The following RYR1 variants were observed in gnomAD, a reference collection of about 807,000 sequenced individuals.
The protein encoded by RYR1 is ryanodine receptor 1.
A neutral mutation model predicts 583.5 loss-of-function variants in RYR1; 342 were observed. The ratio of observed to expected loss-of-function variants is 0.59; its 90% CI spans 0.54 to 0.64. The LOEUF (loss-of-function observed/expected upper bound fraction) is 0.64. Ranked by LOEUF, RYR1 falls within the 30% of genes least tolerant of loss-of-function variation. RYR1 has a pLI of 0.00. For missense variants in RYR1, 6,032 were observed against 6,917.2 expected, an observed-to-expected ratio of 0.87 and a Z score of 4.54; for synonymous variants, 2,791 against 2,822.5, an observed-to-expected ratio of 0.99 and a Z score of 0.35.
In RYR1 at chr19:38,483,848, G is replaced by A. The variant is rs528671546; in HGVS notation, c.4934+332G>A. ...CAGACCCACATCAACACCCCAGGGG[G>A]CCCCAAGTACACCCCAGGATCCCTG... On this transcript the variant is annotated intron_variant, in intron 33 of 105. Coordinates refer to ENST00000359596, the MANE Select transcript of RYR1 (RefSeq NM_000540.3). This position sits in a 1 kb window ranked among gnomAD's most constrained non-coding sequence, Gnocchi z 6.3. 2.0e-5 allele frequency among the ~76,000 whole-genome samples: 3 copies of A among 151,720 alleles called. No homozygotes were observed. Among genetic ancestry groups the A allele is most frequent in the African/African-American group, 7.3e-5 (3 of 41,278 alleles).
At chr19:38,555,033 C>T (rs954308783) in intron 89 of RYR1, among the ~76,000 whole-genome samples, 5 of 152,100 alleles carry the variant, frequency 3.3e-5, no homozygotes, top group South Asian at 2.1e-4. Context: ...CCTTTGAAAA[C>T]GAACCCCATA....
intron 78 of RYR1, 42 bp from the exon 79 acceptor site, chr19:38,534,678 G>C: frequency 6.4e-7 from 1 of 1,567,336 alleles, no homozygotes; most frequent in Non-Finnish European, 8.7e-7. Flanking sequence ...GGCTGGGCTG[G>C]AAAGCCTGGA....
intron 67 of RYR1, among the ~76,000 whole-genome samples, chr19:38,521,318 C>T (rs1464971275): frequency 6.7e-6 from 1 of 148,994 alleles, no homozygotes; most frequent in Non-Finnish European, 1.5e-5. Context: ...TTTTTTAATA[C>T]AAGTAAATGA....
At chr19:38,582,340 T>C (rs1568607804) in intron 101 of RYR1, among the ~76,000 whole-genome samples, 1 of 151,294 alleles carries the variant, frequency 6.6e-6, no homozygotes, top group Non-Finnish European at 1.5e-5. Flanking sequence ...GAGGTTGCCA[T>C]GAGCCGAGAT....
intron 1 of RYR1, among the ~76,000 whole-genome samples, chr19:38,437,426 C>G (rs1467323554): frequency 1.3e-5 from 2 of 152,136 alleles, no homozygotes; most frequent in Non-Finnish European, 2.9e-5. Flanking sequence ...GCTTTGCACT[C>G]TGGCTTTGCC....
chr19:38,578,308 T>G, intron 99 of RYR1, 104 bp downstream of exon 99: 1 of 1,136,112 alleles, frequency 8.8e-7, no homozygotes, highest in Non-Finnish European at 1.3e-6. Flanking sequence ...CCTGGGACCC[T>G]GAGTGGCTGT....
chr19:38,569,340 T>C (rs890632758), intron 93 of RYR1, among the ~76,000 whole-genome samples: 12 of 152,040 alleles, frequency 7.9e-5, no homozygotes, highest in African/African-American at 2.9e-4. Context: ...TTTTAATTAC[T>C]GCTCCTTGCA....
At chr19:38,579,849 C>T (rs1856419589) in intron 99 of RYR1, 133 bp from the exon 100 acceptor site, 2 of 1,125,472 alleles carry the variant, frequency 1.8e-6, no homozygotes, top group East Asian at 2.4e-5. Context: ...TGCCCTGATC[C>T]TCCATGTACT....
In RYR1 at chr19:38,451,793, C is replaced by T. The variant is rs149770144; in HGVS notation, c.1152C>T (p.Asp384=). 9.2e-5 allele frequency: 148 copies of T among 1,614,104 alleles called. No homozygotes were observed. The African/African-American group carries it at 1.5e-3, about 17-fold the overall frequency. The change falls in exon 12 of 106, where the codon GAC becomes GAT. Residue 384 remains aspartate, a synonymous_variant. Coordinates refer to ENST00000359596, the MANE Select transcript of RYR1 (RefSeq NM_000540.3). ...KAMLHQEGHM[D]DALSLTRCQQ... The stretch of plus-strand genomic sequence containing the variant: ...TGCTGCACCAGGAGGGCCACATGGA[C>T]GACGCACTGTCGCTGACCCGCTGCC...
chr19:38,448,585 CA>C (rs1369300739), intron 10 of RYR1, 63 bp from the exon 11 acceptor site: 3 of 1,614,116 alleles, frequency 1.9e-6, no homozygotes, highest in Non-Finnish European at 1.7e-6. Context: ...TGCAGTCCCT[CA>C]GGGGGGCTCC....
At chr19:38,578,726 G>A (rs552591953) in intron 99 of RYR1, among the ~76,000 whole-genome samples, 1 of 152,302 alleles carries the variant, frequency 6.6e-6, no homozygotes, top group Admixed American at 6.5e-5. Flanking sequence ...AGGAGGTGGA[G>A]GCTGCAGTGA....
Position 38,500,883 on chromosome 19 carries a change from G to A in RYR1, c.7507G>A (p.Val2503Met). 3 of 1,614,152 alleles carry A rather than the reference G, an allele frequency of 1.9e-6. No homozygotes were observed. Among genetic ancestry groups the A allele is most frequent in the Non-Finnish European group, 2.5e-6 (3 of 1,180,026 alleles). ...CGTGCCGGACCACAAGGCGTCCATG[G>A]TGCTCTTCCTGGACCGTGTGTATGG... ...SFVPDHKASM[V>M]LFLDRVYGIE... Residue 2503 changes from valine (V) to methionine (M), a missense_variant, in exon 47 of 106, where the codon GTG becomes ATG. Val to Met is a conservative substitution (Grantham distance 21, BLOSUM62 1). Transcript: ENST00000359596. The surrounding 1 kb of genome is among the most constrained non-coding windows in gnomAD (Gnocchi z 5.9).
At chr19:38,545,080 A>G (rs1204841512) in intron 87 of RYR1, among the ~76,000 whole-genome samples, 1 of 152,116 alleles carries the variant, frequency 6.6e-6, no homozygotes, top group African/African-American at 2.4e-5. Context: ...CCAAGAAAAA[A>G]AAAAACCTGA....
intron 19 of RYR1, 118 bp downstream of exon 19, chr19:38,459,456 C>T (rs1270218196): frequency 2.1e-6 from 2 of 953,092 alleles, no homozygotes; most frequent in Admixed American, 2.1e-5. Flanking sequence ...ACCATCAAGA[C>T]TGACTGGTGT....
rs184099910 is a variant in RYR1, at chr19:38,450,939, C to T, written c.1123-825C>T. 3.6e-3 allele frequency among the ~76,000 whole-genome samples: 545 copies of T among 152,258 alleles called. 3 individuals carry two copies. Among genetic ancestry groups the T allele is most frequent in the African/African-American group, 0.012 (515 of 41,536 alleles). On this transcript the variant is annotated intron_variant, in intron 11 of 105. Transcript: ENST00000359596. ...AGAAATTATTTTGGGGGCTGCTTTC[C>T]GTTAGAAAGGAAACTCTGCCGAGGA...
At chr19:38,567,013 C>T (rs200710291) in intron 92 of RYR1, 26 bp downstream of exon 92, 1 of 1,564,970 alleles carries the variant, frequency 6.4e-7, no homozygotes, top group Non-Finnish European at 8.7e-7. Context: ...GCTGAGGGGC[C>T]TAGCCCCTAT....
rs1413000730 is a variant in RYR1 at position 38,483,014 on chromosome 19, TCTC to T, written c.4621-9_4621-7del. The T allele has an allele frequency of 1.1e-5, 18 of 1,612,962 alleles. No individual in the cohort carries two copies. Among genetic ancestry groups the T allele is most frequent in the Non-Finnish European group, 1.4e-5 (17 of 1,179,142 alleles). On this transcript the variant is annotated splice_polypyrimidine_tract_variant and intron_variant, in intron 31 of 105. Transcript: ENST00000359596. This position sits in a 1 kb window ranked among gnomAD's most constrained non-coding sequence, Gnocchi z 6.3. ...CACCCGTTTGCTCACCTCGTCCTCT[TCTC>T]CTCTGCCAGGTGGAACCCAACACTA...
intron 11 of RYR1, among the ~76,000 whole-genome samples, chr19:38,449,749 G>A (rs1471079796): frequency 2.0e-5 from 3 of 152,204 alleles, no homozygotes; most frequent in African/African-American, 2.4e-5. Flanking sequence ...AGGTTAACAT[G>A]AGCTTGGCTT....
At chr19:38,508,474 G>A (rs1281252289) in intron 58 of RYR1, among the ~76,000 whole-genome samples, 3 of 152,212 alleles carry the variant, frequency 2.0e-5, no homozygotes, top group Non-Finnish European at 4.4e-5. Flanking sequence ...GCCTCCCAAA[G>A]TGCTGGGATT....
Sources: allele counts gnomAD v4.1 joint callset (sites outside exome capture counted in the v4.1 genomes callset), GRCh38; gene constraint gnomAD v4.1.1; non-coding constraint Gnocchi (gnomAD v3.1); transcripts MANE v1.5; gene names NCBI Gene and HGNC (gene_info 2026-07-23, HGNC 2026-07-21).